Variants in CFAP74 observed in about 807,000 individuals in gnomAD.
CFAP74 encodes cilia and flagella associated protein 74.
A neutral mutation model predicts 188.9 loss-of-function variants in CFAP74; 124 were observed. The observed-to-expected ratio is 0.66, with a 90% confidence interval of 0.57 to 0.76. The LOEUF is 0.76. CFAP74 is among the 30% of genes least tolerant of loss of function. The pLI, the probability that CFAP74 is intolerant of heterozygous loss-of-function variation, is 0.00. For synonymous variants in CFAP74, 956 were observed against 916.7 expected, an observed-to-expected ratio of 1.04 and a Z score of -0.77; for missense variants, 2,198 against 2,165.2, an observed-to-expected ratio of 1.02 and a Z score of -0.30.
intron 25 of CFAP74, among the ~76,000 whole-genome samples, chr1:1,935,411 G>T (rs184352459): frequency 1.1e-5 from 1 of 90,344 alleles, no homozygotes; most frequent in African/African-American, 4.0e-5. Flanking sequence ...TGTATGTGTG[G>T]GTGTTAGGTT....
rs559095209 is a variant in CFAP74 at position 1,999,932 on chromosome 1, G to A, written c.-20+3769C>T. Among the ~76,000 whole-genome samples the A allele has an allele frequency of 5.9e-5, 9 of 152,290 alleles. No homozygotes were observed. The South Asian group carries it at 1.5e-3, about 25-fold the overall frequency. On this transcript the variant is annotated intron_variant, in intron 1 of 38. Transcript: ENST00000682832. ...TGTAATCCCAGCACTTTGGGAGGCT[G>A]AGGCGGGCGGATCATGAGGTCAGGA...
In CFAP74 at chr1:1,926,360, G is replaced by A. The variant is rs981199194; in HGVS notation, c.3829-13C>T. The A allele has an allele frequency of 6.5e-6, 10 of 1,549,060 alleles. No homozygotes were observed. The Admixed American group carries it at 1.2e-4, about 18-fold the overall frequency. Reference sequence around the variant, plus strand: ...GGGAGAAGTCCAGCTGAGGGTCCACGTCAAGGAGGGGATACAGGTGTCTGC... The same window carrying A: ...GGGAGAAGTCCAGCTGAGGGTCCACATCAAGGAGGGGATACAGGTGTCTGC... On this transcript the variant is annotated splice_polypyrimidine_tract_variant and intron_variant, in intron 31 of 38. Coordinates refer to ENST00000682832, the MANE Select transcript of CFAP74 (RefSeq NM_001304360.2).
At chr1:1,956,819 G>A (rs188059082) in intron 16 of CFAP74, 35 bp from the exon 17 acceptor site, 42 of 1,600,602 alleles carry the variant, frequency 2.6e-5, no homozygotes, top group African/African-American at 4.0e-5. Flanking sequence ...CAGGGCCACC[G>A]TGCCAGGCCC....
At chr1:1,931,303 A>G (rs1652350630) in intron 25 of CFAP74, among the ~76,000 whole-genome samples, 1 of 150,842 alleles carries the variant, frequency 6.6e-6, no homozygotes, top group African/African-American at 2.4e-5. Context: ...GGTGGTGGGC[A>G]CCTGTAGTCC....
At chr1:1,990,759 T>A in intron 2 of CFAP74, 131 bp downstream of exon 2, 1 of 618,716 alleles carries the variant, frequency 1.6e-6, no homozygotes. Context: ...AAGCTCCCTC[T>A]TTGAGAGAAA....
rs1240376855 is a variant in CFAP74, at chr1:1,956,788, C to T, written c.1852-4G>A. 1 of 1,611,372 alleles carries T rather than the reference C, an allele frequency of 6.2e-7. No individual in the cohort carries two copies. The highest frequency in any genetic ancestry group is 1.3e-5 in the African/African-American group (1 of 74,862). Reference sequence around the variant, plus strand: ...TGAGCTCCTTGTCGAGGGACAGCTGCCAGAGGACATGGAGTGAACTCAGGG... The same window carrying T: ...TGAGCTCCTTGTCGAGGGACAGCTGTCAGAGGACATGGAGTGAACTCAGGG... On this transcript the variant is annotated splice_polypyrimidine_tract_variant and splice_region_variant and intron_variant, in intron 16 of 38. Transcript: ENST00000682832.
chr1:1,971,333 G>T (rs1656037482), intron 9 of CFAP74, among the ~76,000 whole-genome samples: 1 of 147,370 alleles, frequency 6.8e-6, no homozygotes, highest in African/African-American at 2.5e-5. Flanking sequence ...TTGCACACCT[G>T]CACACACGTG....
chr1:1,974,283 T>C (rs1236999635), intron 6 of CFAP74, 85 bp from the exon 7 acceptor site: 1 of 1,383,678 alleles, frequency 7.2e-7, no homozygotes, highest in African/African-American at 1.4e-5. Flanking sequence ...TGACAAATCC[T>C]CCAGGCAGAT....
intron 8 of CFAP74, among the ~76,000 whole-genome samples, chr1:1,972,474 C>T (rs1343777958): frequency 3.9e-5 from 6 of 152,248 alleles, no homozygotes; most frequent in Non-Finnish European, 8.8e-5. Context: ...TCTCAAGGGC[C>T]TCTTCTGAAA....
intron 22 of CFAP74, among the ~76,000 whole-genome samples, chr1:1,941,276 G>C (rs1653358183): frequency 6.6e-6 from 1 of 152,222 alleles, no homozygotes; most frequent in Non-Finnish European, 1.5e-5. Context: ...GCCCGTGCCT[G>C]CTGCGCCCAC....
chr1:1,936,427 C>G (rs1006721459), intron 25 of CFAP74, among the ~76,000 whole-genome samples: 1 of 151,812 alleles, frequency 6.6e-6, no homozygotes, highest in African/African-American at 2.4e-5. Flanking sequence ...ACCTATAGTC[C>G]CAGCTACTCG....
At chr1:1,989,154 C>T (rs574732280) in intron 2 of CFAP74, among the ~76,000 whole-genome samples, 181 bp from the exon 3 acceptor site, 4 of 152,254 alleles carry the variant, frequency 2.6e-5, no homozygotes, top group Admixed American at 2.0e-4. Context: ...GGGGCGCTGG[C>T]GCCTTGAGAG....
chr1:1,961,976 G>C (rs1442678559), intron 14 of CFAP74, among the ~76,000 whole-genome samples: 1 of 152,220 alleles, frequency 6.6e-6, no homozygotes, highest in Non-Finnish European at 1.5e-5. Context: ...AGAAGAGGAG[G>C]CCCCTCTGGA....
intron 34 of CFAP74, among the ~76,000 whole-genome samples, chr1:1,924,164 A>AGC (rs1435295696): frequency 4.5e-4 from 5 of 11,168 alleles, no homozygotes; most frequent in African/African-American, 1.3e-3. Flanking sequence ...CTCACCGCCC[A>AGC]CCCCCCACCT....
intron 1 of CFAP74, among the ~76,000 whole-genome samples, chr1:2,000,872 G>A (rs759894993): frequency 3.3e-5 from 5 of 152,140 alleles, no homozygotes; most frequent in Admixed American, 6.5e-5. Flanking sequence ...GATGGCCACG[G>A]TGCCACTGTG....
At chr1:1,938,046 G>A (rs1015691379) in intron 25 of CFAP74, among the ~76,000 whole-genome samples, 3 of 103,584 alleles carry the variant, frequency 2.9e-5, no homozygotes, top group African/African-American at 1.0e-4. Flanking sequence ...ACACATACAT[G>A]CACTCACACT....
At chr1:1,925,725 C>CT in intron 33 of CFAP74, 58 bp downstream of exon 33, 1 of 1,566,508 alleles carries the variant, frequency 6.4e-7, no homozygotes, top group Non-Finnish European at 8.7e-7. Context: ...TGAGTCCTGC[C>CT]TGGTGGAAAC....
intron 16 of CFAP74, among the ~76,000 whole-genome samples, chr1:1,958,682 C>T (rs1266426242): frequency 2.0e-5 from 3 of 149,970 alleles, no homozygotes; most frequent in East Asian, 1.9e-4. Flanking sequence ...CAAAGGTGTC[C>T]GAGGCCGACA....
At chr1:1,998,614 C>G (rs1056092618) in intron 1 of CFAP74, among the ~76,000 whole-genome samples, 1 of 152,092 alleles carries the variant, frequency 6.6e-6, no homozygotes, top group Non-Finnish European at 1.5e-5. Flanking sequence ...GTGGCTCACG[C>G]CTGTAATCCC....
Sources: gnomAD v4.1 joint callset for allele counts (sites outside exome capture counted in the v4.1 genomes callset) on GRCh38, gnomAD v4.1.1 for gene constraint, MANE v1.5 for transcripts, NCBI Gene and HGNC (gene_info 2026-07-23, HGNC 2026-07-21) for gene names.